AGBL4: variants seen among roughly 807,000 people sequenced by gnomAD.
AGBL4 encodes cytosolic carboxypeptidase 6.
AGBL4 carries 58 observed loss-of-function variants against 66.4 expected under a neutral mutation model. The observed-to-expected ratio is 0.87, with a 90% confidence interval of 0.71 to 1.09. The LOEUF is 1.09. AGBL4 is among the 50% of genes least tolerant of loss of function. The pLI, the probability that AGBL4 is intolerant of heterozygous loss-of-function variation, is 0.00. For missense variants in AGBL4, 579 were observed against 631.0 expected, an observed-to-expected ratio of 0.92 and a Z score of 0.88; for synonymous variants, 234 against 222.9, an observed-to-expected ratio of 1.05 and a Z score of -0.44.
chr1:49,877,892 G>A (rs1369089891), intron 1 of AGBL4, among the ~76,000 whole-genome samples: 1 of 152,108 alleles, frequency 6.6e-6, no homozygotes, highest in Middle Eastern at 3.2e-3. Context: ...TCTTGGGAGA[G>A]TGTATGTGTC....
intron 1 of AGBL4, among the ~76,000 whole-genome samples, chr1:49,934,138 A>G (rs1046477554): frequency 1.6e-4 from 24 of 152,220 alleles, no homozygotes; most frequent in African/African-American, 5.8e-4. Context: ...CAATGTGTAC[A>G]TATGAGAGCT....
intron 2 of AGBL4, among the ~76,000 whole-genome samples, chr1:49,742,299 C>A (rs1650574787): frequency 1.3e-5 from 2 of 151,524 alleles, no homozygotes; most frequent in Non-Finnish European, 1.5e-5. Context: ...CTCCCATTCA[C>A]AATTGCTTCA....
At position 49,664,705 on chromosome 1, in the gene AGBL4, A is replaced by G. The variant is rs376962641; in HGVS notation, c.282+32608T>C. Among the ~76,000 whole-genome samples, 49 of 152,222 alleles carry G rather than the reference A, an allele frequency of 3.2e-4. 1 individual carries two copies. The South Asian group carries it at 8.9e-3, about 28-fold the overall frequency. On this transcript the variant is annotated intron_variant, in intron 3 of 13. Coordinates refer to ENST00000371839, the MANE Select transcript of AGBL4 (RefSeq NM_032785.4). Reference sequence around the variant, plus strand: ...GGTATCTTTGGCTCATATTCAGTGTATCCCACATTTCTGACAGCTTTCTGT... The same window carrying G: ...GGTATCTTTGGCTCATATTCAGTGTGTCCCACATTTCTGACAGCTTTCTGT...
intron 5 of AGBL4, among the ~76,000 whole-genome samples, chr1:49,005,462 C>T (rs1035914990): frequency 1.3e-5 from 2 of 152,222 alleles, no homozygotes; most frequent in African/African-American, 2.4e-5. Flanking sequence ...CGTAGCCATA[C>T]ACTACCTGCC....
chr1:48,662,203 G>A (rs572333344), intron 7 of AGBL4, among the ~76,000 whole-genome samples: 16 of 152,348 alleles, frequency 1.1e-4, no homozygotes, highest in Admixed American at 5.9e-4. Context: ...CGGGGAAGGC[G>A]GTAACATCTG....
intron 3 of AGBL4, among the ~76,000 whole-genome samples, chr1:49,455,685 G>A (rs1197787603): frequency 1.3e-5 from 2 of 151,570 alleles, no homozygotes; most frequent in Non-Finnish European, 3.0e-5. Flanking sequence ...TATGTTTAGA[G>A]GAAAATCCAC....
intron 7 of AGBL4, 102 bp from the exon 8 acceptor site, chr1:48,653,553 T>C (rs937157298): frequency 3.5e-6 from 3 of 847,466 alleles, no homozygotes; most frequent in Non-Finnish European, 5.6e-6. Flanking sequence ...TAGGTGATTT[T>C]GGCCTGTGTT....
intron 3 of AGBL4, among the ~76,000 whole-genome samples, chr1:49,512,535 C>T (rs1395468429): frequency 1.3e-5 from 2 of 151,732 alleles, no homozygotes; most frequent in East Asian, 3.9e-4. Flanking sequence ...AAGTTTGTGG[C>T]ATTTCCTGCC....
intron 6 of AGBL4, among the ~76,000 whole-genome samples, chr1:48,746,182 T>G (rs1011197754): frequency 2.0e-5 from 3 of 152,112 alleles, no homozygotes; most frequent in African/African-American, 7.3e-5. Context: ...TATATATATA[T>G]TCGTATATTT....
chr1:49,738,710 C>A (rs942001594), intron 2 of AGBL4, among the ~76,000 whole-genome samples: 1 of 152,186 alleles, frequency 6.6e-6, no homozygotes, highest in East Asian at 1.9e-4. Context: ...GACAAAACTT[C>A]CAGAGGAACG....
At chr1:49,491,377 G>A (rs1432858025) in intron 3 of AGBL4, among the ~76,000 whole-genome samples, 1 of 151,700 alleles carries the variant, frequency 6.6e-6, no homozygotes, top group East Asian at 1.9e-4. Context: ...GAGAGTACTA[G>A]GGAGAAAATA....
intron 6 of AGBL4, among the ~76,000 whole-genome samples, chr1:48,686,154 A>G (rs1415810059): frequency 1.3e-5 from 2 of 152,230 alleles, no homozygotes; most frequent in African/African-American, 2.4e-5. Flanking sequence ...TAACACAGCC[A>G]GGATCTACTG....
chr1:49,654,833 G>A (rs1038242495), intron 3 of AGBL4, among the ~76,000 whole-genome samples: 1 of 152,042 alleles, frequency 6.6e-6, no homozygotes, highest in African/African-American at 2.4e-5. Context: ...ACGTGAGATC[G>A]GTTTCCTGAA....
intron 5 of AGBL4, among the ~76,000 whole-genome samples, chr1:48,891,542 G>C (rs1650973739): frequency 6.6e-6 from 1 of 152,212 alleles, no homozygotes; most frequent in Non-Finnish European, 1.5e-5. Context: ...TAAAACGCTT[G>C]TTGCTATCTT....
chr1:48,719,196 T>G (rs940235196), intron 6 of AGBL4, among the ~76,000 whole-genome samples: 13 of 152,140 alleles, frequency 8.5e-5, no homozygotes, highest in African/African-American at 3.1e-4. Context: ...ATCTCCCCTC[T>G]GGACATAGGG....
At chr1:48,593,734 G>A (rs905160012) in intron 9 of AGBL4, among the ~76,000 whole-genome samples, 2 of 152,076 alleles carry the variant, frequency 1.3e-5, no homozygotes, top group Non-Finnish European at 2.9e-5. Flanking sequence ...CTGGGCGACA[G>A]TGCGAGACTC....
At chr1:49,409,469 G>T (rs2148624617) in intron 3 of AGBL4, among the ~76,000 whole-genome samples, 1 of 152,232 alleles carries the variant, frequency 6.6e-6, no homozygotes, top group East Asian at 1.9e-4. Context: ...AGGGATGGAA[G>T]TATATAATTT....
intron 5 of AGBL4, among the ~76,000 whole-genome samples, chr1:48,901,193 T>C (rs1652047732): frequency 6.6e-6 from 1 of 152,082 alleles, no homozygotes; most frequent in South Asian, 2.1e-4. Context: ...ACTATTAGAA[T>C]GGATAAAATT....
At chr1:49,408,666 C>T (rs1645254495) in intron 3 of AGBL4, among the ~76,000 whole-genome samples, 1 of 152,146 alleles carries the variant, frequency 6.6e-6, no homozygotes, top group Non-Finnish European at 1.5e-5. Context: ...GCTTCTTGCC[C>T]TCACACATCA....
Sources: allele counts gnomAD v4.1 joint callset (sites outside exome capture counted in the v4.1 genomes callset), GRCh38; gene constraint gnomAD v4.1.1; transcripts MANE v1.5; gene names NCBI Gene and HGNC (gene_info 2026-07-23, HGNC 2026-07-21).